Variants in STXBP5L observed in about 807,000 individuals in gnomAD.
STXBP5L encodes syntaxin binding protein 5L.
In STXBP5L, 65 loss-of-function variants were observed where a neutral mutation model predicts 144.5. That is an observed-to-expected ratio of 0.45 (90% CI 0.37 to 0.55). STXBP5L has a LOEUF of 0.55. Among genes scored for constraint, STXBP5L ranks in the 20% least tolerant of loss-of-function variants. The probability of loss-of-function intolerance (pLI) is 0.00; values close to 1 mark genes in which losing one functional copy is unlikely to be tolerated. For synonymous variants in STXBP5L, 505 were observed against 469.6 expected (o/e 1.08, Z -0.97); for missense variants, 1,298 against 1,405.5 (o/e 0.92, Z 1.22).
intron 3 of STXBP5L, among the ~76,000 whole-genome samples, chr3:120,992,414 A>G (rs1942990227): frequency 6.6e-6 from 1 of 152,066 alleles, no homozygotes; most frequent in Admixed American, 6.6e-5. Flanking sequence ...ATCTAGTTGT[A>G]TATTTGTACC....
intron 3 of STXBP5L, among the ~76,000 whole-genome samples, chr3:120,964,006 T>A (rs1939226405): frequency 6.6e-6 from 1 of 152,166 alleles, no homozygotes; most frequent in Non-Finnish European, 1.5e-5. Context: ...GTTGCGAGGG[T>A]GTATGTGTCG....
intron 20 of STXBP5L, among the ~76,000 whole-genome samples, chr3:121,346,938 CAGA>C (rs2045016151): frequency 6.6e-6 from 1 of 151,838 alleles, no homozygotes; most frequent in South Asian, 2.1e-4. Flanking sequence ...TTTTGCTGTG[CAGA>C]AGGTCTTTAG....
chr3:121,114,105 A>G (rs898568268), intron 5 of STXBP5L, among the ~76,000 whole-genome samples: 19 of 152,152 alleles, frequency 1.2e-4, no homozygotes, highest in African/African-American at 3.6e-4. Flanking sequence ...TTTGTGGAGT[A>G]ACTAAAAAGC....
At chr3:121,004,240 T>C (rs1292408178) in intron 3 of STXBP5L, among the ~76,000 whole-genome samples, 1 of 151,912 alleles carries the variant, frequency 6.6e-6, no homozygotes, top group Admixed American at 6.6e-5. Context: ...CAGTGGTTTG[T>C]AGCTCTCCTT....
chr3:121,363,182 T>A (rs1024747465), intron 20 of STXBP5L, among the ~76,000 whole-genome samples: 3 of 152,136 alleles, frequency 2.0e-5, no homozygotes, highest in Admixed American at 2.0e-4. Flanking sequence ...ATTGGAGCCA[T>A]GAGCTGTGCA....
intron 2 of STXBP5L, among the ~76,000 whole-genome samples, chr3:120,932,278 A>G (rs1709984311): frequency 6.6e-6 from 1 of 152,204 alleles, no homozygotes; most frequent in Non-Finnish European, 1.5e-5. Context: ...TCCTAAGTAT[A>G]TAAATTTCTT....
intron 3 of STXBP5L, among the ~76,000 whole-genome samples, chr3:121,019,865 T>C (rs772967545): frequency 5.3e-5 from 8 of 152,052 alleles, no homozygotes; most frequent in Non-Finnish European, 1.2e-4. Context: ...AAAACAAGGT[T>C]CTTTGACACC....
intron 5 of STXBP5L, among the ~76,000 whole-genome samples, chr3:121,068,462 T>A (rs1436901250): frequency 6.6e-6 from 1 of 152,168 alleles, no homozygotes; most frequent in Non-Finnish European, 1.5e-5. Flanking sequence ...TTTCTCTATA[T>A]GACATTAATA....
chr3:121,374,469 AG>A (rs1225317671), intron 20 of STXBP5L, among the ~76,000 whole-genome samples: 2 of 152,190 alleles, frequency 1.3e-5, no homozygotes. Context: ...AGGAAAAAAA[AG>A]ATCTATGAAA....
intron 20 of STXBP5L, among the ~76,000 whole-genome samples, chr3:121,335,581 T>C (rs2044477362): frequency 6.6e-6 from 1 of 152,116 alleles, no homozygotes; most frequent in African/African-American, 2.4e-5. Context: ...CAAAATAGCA[T>C]GGGACTGGTA....
At chr3:121,320,756 C>T (rs2043944652) in intron 20 of STXBP5L, among the ~76,000 whole-genome samples, 1 of 148,842 alleles carries the variant, frequency 6.7e-6, no homozygotes, top group Non-Finnish European at 1.5e-5. Context: ...GGCTGGAGTG[C>T]AGTGGCGCAA....
chr3:120,936,548 G>T (rs1214907392), intron 2 of STXBP5L, among the ~76,000 whole-genome samples: 1 of 151,680 alleles, frequency 6.6e-6, no homozygotes, highest in Non-Finnish European at 1.5e-5. Flanking sequence ...CTGTGTCCTT[G>T]TTTTTGTATC....
At chr3:121,212,222 G>T (rs2048602669) in intron 10 of STXBP5L, among the ~76,000 whole-genome samples, 1 of 152,064 alleles carries the variant, frequency 6.6e-6, no homozygotes, top group South Asian at 2.1e-4. Context: ...ACTTTAATTA[G>T]ATCCCATTTG....
At position 121,027,142 on chromosome 3, in the gene STXBP5L, T is replaced by C. The variant is rs149814787; in HGVS notation, c.288-14558T>C. ...GTATATGTGTATGTGTGTTTATATATATGTATATATCCATTGGATTCCTAA... is the reference window on the plus strand; with the variant it reads ...GTATATGTGTATGTGTGTTTATATACATGTATATATCCATTGGATTCCTAA... On this transcript the variant is annotated intron_variant, in intron 3 of 26. Transcript: ENST00000471454. Among the ~76,000 whole-genome samples, 290 of 152,142 alleles carry C rather than the reference T, an allele frequency of 1.9e-3. 3 individuals carry two copies. The highest frequency in any genetic ancestry group is 6.5e-4 in the Non-Finnish European group (44 of 67,994).
intron 25 of STXBP5L, among the ~76,000 whole-genome samples, chr3:121,416,469 ATTTTTATTTATT>A (rs1407128844): frequency 3.9e-5 from 1 of 25,974 alleles, no homozygotes; most frequent in Admixed American, 5.8e-4. Context: ...TCACTGGTAG[ATTTTTATTTATT>A]TATTTATTTA....
chr3:121,096,101 A>G (rs987148828), intron 5 of STXBP5L, among the ~76,000 whole-genome samples: 5 of 148,994 alleles, frequency 3.4e-5, no homozygotes, highest in African/African-American at 1.3e-4. Context: ...GGCTGTACCC[A>G]CTATCCTGCC....
chr3:121,140,200 C>T (rs759632028), intron 7 of STXBP5L, among the ~76,000 whole-genome samples: 1 of 151,974 alleles, frequency 6.6e-6, no homozygotes, highest in Non-Finnish European at 1.5e-5. Context: ...CAAATCAAAA[C>T]CACAGTGAGC....
chr3:121,392,097 GCCTCAACAATGGCAGACACC>G (rs1182434191), intron 22 of STXBP5L, among the ~76,000 whole-genome samples: 1 of 152,100 alleles, frequency 6.6e-6, no homozygotes. Context: ...ACCTACTCAA[GCCTCAACAATGGCAGACACC>G]CCTCCCCAGC....
At chr3:121,245,564 A>G (rs747305992) in intron 14 of STXBP5L, among the ~76,000 whole-genome samples, 11 of 152,150 alleles carry the variant, frequency 7.2e-5, no homozygotes, top group Non-Finnish European at 1.3e-4. Flanking sequence ...AACTCACTTT[A>G]GATTTAAGGA....
Sources: allele counts gnomAD v4.1 joint callset (sites outside exome capture counted in the v4.1 genomes callset), GRCh38; gene constraint gnomAD v4.1.1; transcripts MANE v1.5; gene names NCBI Gene and HGNC (gene_info 2026-07-23, HGNC 2026-07-21).